The following EYA4 variants were observed in gnomAD, a reference collection of about 807,000 sequenced individuals.
The protein encoded by EYA4 is protein phosphatase EYA4.
EYA4 carries 31 observed loss-of-function variants against 87.9 expected under a neutral mutation model. The observed-to-expected ratio is 0.35, with a 90% confidence interval of 0.27 to 0.48. The LOEUF (loss-of-function observed/expected upper bound fraction) is 0.48, where lower values mean the gene tolerates loss of function less well. Among genes scored for constraint, EYA4 ranks in the 20% least tolerant of loss-of-function variants. The pLI is 0.99. For synonymous variants in EYA4, 263 were observed against 270.6 expected (o/e 0.97, Z 0.28); for missense variants, 678 against 761.4 (o/e 0.89, Z 1.29).
At chr6:133,327,910 A>C (rs1781629364) in intron 2 of EYA4, among the ~76,000 whole-genome samples, 1 of 152,200 alleles carries the variant, frequency 6.6e-6, no homozygotes, top group Non-Finnish European at 1.5e-5. Flanking sequence ...GAAATGGAAA[A>C]AATTCTTAGA....
chr6:133,527,894 T>A (rs994390122), intron 19 of EYA4, among the ~76,000 whole-genome samples: 11 of 152,204 alleles, frequency 7.2e-5, no homozygotes, highest in African/African-American at 2.7e-4. Flanking sequence ...TGTAATGCAG[T>A]GTTTTTTCTT....
chr6:133,398,494 A>T (rs2128509022), intron 3 of EYA4, among the ~76,000 whole-genome samples: 1 of 152,136 alleles, frequency 6.6e-6, no homozygotes, highest in Admixed American at 6.5e-5. Flanking sequence ...AAAGAGTCTG[A>T]TTTTTTTCAG....
intron 5 of EYA4, among the ~76,000 whole-genome samples, chr6:133,449,796 A>G (rs1793241919): frequency 6.6e-6 from 1 of 152,238 alleles, no homozygotes; most frequent in South Asian, 2.1e-4. Context: ...AATAGGCAAC[A>G]GCTTTTTAAG....
intron 11 of EYA4, among the ~76,000 whole-genome samples, chr6:133,479,015 A>AT: frequency 6.6e-6 from 1 of 152,290 alleles, no homozygotes; most frequent in African/African-American, 2.4e-5. Flanking sequence ...TTGATCTATA[A>AT]TGACTATAAG....
At chr6:133,249,730 A>G (rs1469073371) in intron 1 of EYA4, among the ~76,000 whole-genome samples, 2 of 152,186 alleles carry the variant, frequency 1.3e-5, no homozygotes, top group African/African-American at 4.8e-5. Context: ...CTGCTTTTTC[A>G]ATACTTAAGG....
chr6:133,350,485 G>A (rs1783557440), intron 2 of EYA4, among the ~76,000 whole-genome samples: 1 of 152,064 alleles, frequency 6.6e-6, no homozygotes, highest in Admixed American at 6.5e-5. Context: ...TGGCAAGAAA[G>A]GCAACCGTTC....
chr6:133,449,723 T>G (rs532519576), intron 5 of EYA4, among the ~76,000 whole-genome samples: 1 of 152,364 alleles, frequency 6.6e-6, no homozygotes, highest in African/African-American at 2.4e-5. Flanking sequence ...TCTTAGATAA[T>G]GTATATAAAT....
chr6:133,458,784 T>C (rs1020735639), intron 6 of EYA4, among the ~76,000 whole-genome samples: 6 of 152,054 alleles, frequency 3.9e-5, no homozygotes, highest in Non-Finnish European at 8.8e-5. Flanking sequence ...GGCACGATAA[T>C]GAGAATGAAA....
At position 133,258,419 on chromosome 6, in the gene EYA4, G is replaced by A. The variant is rs575639887; in HGVS notation, c.-65-16297G>A. On this transcript the variant is annotated intron_variant, in intron 1 of 19. Transcript: ENST00000355286. ...TTACTAGTTTAACCAGTATTTTCCC[G>A]CGCTTTCTTCACCAAATTCGTTTCT... is the stretch of plus-strand genomic sequence containing the variant. Among the ~76,000 whole-genome samples, 15 of 152,104 alleles carry A rather than the reference G, an allele frequency of 9.9e-5. No homozygotes were observed. In the South Asian group the frequency reaches 1.9e-3, roughly 19 times the overall value.
At chr6:133,404,409 G>A (rs1307299831) in intron 3 of EYA4, among the ~76,000 whole-genome samples, 1 of 152,090 alleles carries the variant, frequency 6.6e-6, no homozygotes, top group Non-Finnish European at 1.5e-5. Flanking sequence ...TGATCCTACA[G>A]GAAAGACAAT....
intron 2 of EYA4, among the ~76,000 whole-genome samples, chr6:133,365,871 C>T (rs912332714): frequency 4.6e-5 from 7 of 152,096 alleles, no homozygotes; most frequent in Non-Finnish European, 7.4e-5. Flanking sequence ...CAGCCCTTTG[C>T]ACTAAGAATT....
chr6:133,502,374 G>A (rs1798207666), intron 13 of EYA4: 1 of 152,034 alleles, frequency 6.6e-6, no homozygotes, highest in African/African-American at 2.4e-5. Flanking sequence ...AGCAACTCTT[G>A]ATTCATAAGG....
chr6:133,501,201 ACTCATC>A (rs1294784305), intron 13 of EYA4, among the ~76,000 whole-genome samples: 1 of 151,470 alleles, frequency 6.6e-6, no homozygotes, highest in Non-Finnish European at 1.5e-5. Context: ...AGCCCTTTCC[ACTCATC>A]CTCATCACTT....
At chr6:133,326,515 A>G (rs1781509923) in intron 2 of EYA4, among the ~76,000 whole-genome samples, 1 of 152,210 alleles carries the variant, frequency 6.6e-6, no homozygotes, top group Non-Finnish European at 1.5e-5. Context: ...CAGAAAGAGA[A>G]CTGAAATAAT....
At chr6:133,310,680 T>G (rs1013332393) in intron 2 of EYA4, among the ~76,000 whole-genome samples, 3 of 152,164 alleles carry the variant, frequency 2.0e-5, no homozygotes, top group African/African-American at 4.8e-5. Context: ...GGAGGAGTCT[T>G]GGGGAAAACT....
intron 2 of EYA4, among the ~76,000 whole-genome samples, chr6:133,278,457 T>C (rs1777359849): frequency 6.6e-6 from 1 of 152,220 alleles, no homozygotes; most frequent in Non-Finnish European, 1.5e-5. Flanking sequence ...ATGGTGGATC[T>C]CGTTCATCTC....
intron 3 of EYA4, among the ~76,000 whole-genome samples, chr6:133,404,950 C>G (rs1001282531): frequency 6.6e-6 from 1 of 152,168 alleles, no homozygotes; most frequent in African/African-American, 2.4e-5. Context: ...CTGGCAGTAC[C>G]CTGCTTACTC....
chr6:133,475,178 A>G (rs1305985656), intron 11 of EYA4, among the ~76,000 whole-genome samples: 1 of 152,096 alleles, frequency 6.6e-6, no homozygotes, highest in African/African-American at 2.4e-5. Flanking sequence ...GATTTAAAGA[A>G]ACACTACCAT....
chr6:133,343,403 A>C (rs1252611920), intron 2 of EYA4, among the ~76,000 whole-genome samples: 4 of 152,078 alleles, frequency 2.6e-5, no homozygotes, highest in Non-Finnish European at 5.9e-5. Context: ...CTCTTGCTCC[A>C]CTTTGGCTTG....
Sources: allele counts gnomAD v4.1 joint callset (sites outside exome capture counted in the v4.1 genomes callset), GRCh38; gene constraint gnomAD v4.1.1; transcripts MANE v1.5; gene names NCBI Gene and HGNC (gene_info 2026-07-23, HGNC 2026-07-21).